Variants in TBC1D32 observed in about 807,000 individuals in gnomAD.
The protein encoded by TBC1D32 is TBC1 domain family member 32, also known as protein broad-minded.
In TBC1D32, 151 loss-of-function variants were observed where a neutral mutation model predicts 170.3. The ratio of observed to expected loss-of-function variants is 0.89; its 90% confidence interval spans 0.78 to 1.01. TBC1D32 has a LOEUF of 1.01. TBC1D32 is among the 50% of genes least tolerant of loss of function. TBC1D32 has a pLI of 0.00. For missense variants in TBC1D32, 1,464 were observed against 1,457.1 expected (o/e 1.00, Z -0.08); for synonymous variants, 498 against 488.0 (o/e 1.02, Z -0.27).
intron 31 of TBC1D32, among the ~76,000 whole-genome samples, chr6:121,088,963 A>T (rs1055347446): frequency 6.6e-6 from 1 of 152,212 alleles, no homozygotes; most frequent in Non-Finnish European, 1.5e-5. Flanking sequence ...TGCAAACTCT[A>T]TTATAATTTT....
At chr6:121,139,513 A>C (rs1202282523) in intron 24 of TBC1D32, among the ~76,000 whole-genome samples, 1 of 152,214 alleles carries the variant, frequency 6.6e-6, no homozygotes, top group Non-Finnish European at 1.5e-5. Context: ...AGAAAGTATC[A>C]GCAAGAATCA....
In TBC1D32 at chr6:121,292,092, C is replaced by T; in HGVS notation, c.1333G>A (p.Gly445Ser). ...LLGRLLIYKQ[G>S]RKLFPIKLKN... is the part of the protein sequence containing the mutation. ...AGCTTAATAGGAAATAGTTTTCTGC[C>T]TTGTTTATAGATCAATAATCTTCCT... Residue 445 changes from glycine (G) to serine (S), a missense_variant, in exon 12 of 32, where the codon GGC becomes AGC. Physicochemically the swap from Gly to Ser is moderately conservative, Grantham distance 56 (BLOSUM62 0). This residue lies in a region of TBC1D32 where 1,363 missense variants were observed against 1,338.1 expected (regional missense o/e 1.02). Transcript: ENST00000398212. 6.3e-7 allele frequency: 1 copy of T among 1,593,904 alleles called. No individual in the cohort carries two copies. Among genetic ancestry groups the T allele is most frequent in the Non-Finnish European group, 8.5e-7 (1 of 1,170,130 alleles).
chr6:121,121,208 T>C (rs934371620), intron 26 of TBC1D32, among the ~76,000 whole-genome samples: 2 of 151,940 alleles, frequency 1.3e-5, no homozygotes, highest in Admixed American at 1.3e-4. Context: ...ATAAGAGAGG[T>C]TACATTCTAG....
intron 30 of TBC1D32, among the ~76,000 whole-genome samples, chr6:121,095,217 T>C (rs1429902366): frequency 6.6e-6 from 1 of 152,162 alleles, no homozygotes; most frequent in Non-Finnish European, 1.5e-5. Flanking sequence ...ACAATATGCA[T>C]TGAAATCTAC....
chr6:121,179,874 T>C (rs1338940271), intron 22 of TBC1D32, among the ~76,000 whole-genome samples: 2 of 152,094 alleles, frequency 1.3e-5, no homozygotes, highest in African/African-American at 4.8e-5. Context: ...TGTCTCCATA[T>C]ATAAAAGAAA....
At chr6:121,214,300 C>T (rs1212987490) in intron 21 of TBC1D32, among the ~76,000 whole-genome samples, 5 of 152,198 alleles carry the variant, frequency 3.3e-5, no homozygotes, top group Admixed American at 6.5e-5. Context: ...GCACCTTTGC[C>T]TGAATTTTGC....
chr6:121,309,004 T>C (rs1271240772), intron 4 of TBC1D32, among the ~76,000 whole-genome samples: 8 of 152,074 alleles, frequency 5.3e-5, no homozygotes, highest in African/African-American at 1.9e-4. Context: ...ATTAAAAAGG[T>C]GAGGCCTAAG....
At chr6:121,237,362 A>G (rs189140226) in intron 20 of TBC1D32, among the ~76,000 whole-genome samples, 2 of 152,020 alleles carry the variant, frequency 1.3e-5, no homozygotes, top group East Asian at 3.9e-4. Context: ...GCCTTAGTGT[A>G]GTTTCCTTTA....
intron 22 of TBC1D32, among the ~76,000 whole-genome samples, chr6:121,200,508 A>G (rs1208071958): frequency 6.6e-6 from 1 of 151,696 alleles, no homozygotes; most frequent in Admixed American, 6.6e-5. Flanking sequence ...AGCCTTGGGC[A>G]GTATCAAAAG....
At chr6:121,308,531 T>C (rs1807675976) in intron 4 of TBC1D32, among the ~76,000 whole-genome samples, 1 of 151,894 alleles carries the variant, frequency 6.6e-6, no homozygotes, top group Admixed American at 6.6e-5. Flanking sequence ...CATTCTAGGA[T>C]ATATGAACAA....
chr6:121,332,439 T>C (rs1382064585), intron 1 of TBC1D32, among the ~76,000 whole-genome samples: 1 of 152,020 alleles, frequency 6.6e-6, no homozygotes, highest in Non-Finnish European at 1.5e-5. Context: ...AGTGGGAAGA[T>C]ACAAATAAAA....
At chr6:121,131,155 T>C (rs1393290544) in intron 25 of TBC1D32, among the ~76,000 whole-genome samples, 2 of 151,952 alleles carry the variant, frequency 1.3e-5, no homozygotes, top group African/African-American at 4.8e-5. Context: ...AGAAAACAAA[T>C]GCGCAAGTAG....
intron 22 of TBC1D32, among the ~76,000 whole-genome samples, chr6:121,193,139 A>G (rs1046111999): frequency 3.3e-5 from 5 of 152,224 alleles, no homozygotes; most frequent in Admixed American, 6.5e-5. Flanking sequence ...GGTGGGAGGA[A>G]CATAGAATTG....
rs575495148 is a variant in TBC1D32 at position 121,242,021 on chromosome 6, GAC to G, written c.2157+178_2157+179del. On this transcript the variant is annotated intron_variant, in intron 18 of 31. Coordinates refer to ENST00000398212, the MANE Select transcript of TBC1D32 (RefSeq NM_152730.6). ...TTGCAATTCTGTAAATACAGCCACA[GAC>G]ACTAATATCAACTCTCTAATGTTTT... Among the ~76,000 whole-genome samples the G allele has an allele frequency of 1.6e-3, 244 of 152,162 alleles. 1 individual carries two copies. The highest frequency in any genetic ancestry group is 3.4e-3 in the Middle Eastern group (1 of 294).
intron 17 of TBC1D32, among the ~76,000 whole-genome samples, chr6:121,249,735 A>C (rs959444729): frequency 3.3e-5 from 5 of 152,002 alleles, no homozygotes; most frequent in Admixed American, 6.6e-5. Flanking sequence ...AAACAAAAAC[A>C]AAAACCAAAA....
intron 22 of TBC1D32, among the ~76,000 whole-genome samples, chr6:121,162,772 C>T (rs561615059): frequency 3.0e-4 from 43 of 141,300 alleles, no homozygotes; most frequent in Non-Finnish European, 5.6e-4. Context: ...GCGTGAGCGA[C>T]GCAGAAAACA....
At chr6:121,240,060 C>T (rs1187068198) in intron 19 of TBC1D32, among the ~76,000 whole-genome samples, 1 of 152,012 alleles carries the variant, frequency 6.6e-6, no homozygotes, top group Non-Finnish European at 1.5e-5. Flanking sequence ...TGCCATAATC[C>T]AAGGTTGCCA....
chr6:121,103,181 C>T (rs1778317203), intron 30 of TBC1D32, among the ~76,000 whole-genome samples: 1 of 152,080 alleles, frequency 6.6e-6, no homozygotes, highest in Non-Finnish European at 1.5e-5. Context: ...TGTGGCAATT[C>T]CTCAACGATC....
chr6:121,224,168 T>G (rs748738532), intron 20 of TBC1D32, among the ~76,000 whole-genome samples: 1 of 152,182 alleles, frequency 6.6e-6, no homozygotes, highest in Non-Finnish European at 1.5e-5. Flanking sequence ...TTCAACTGAC[T>G]GCCACCTATA....
Sources: allele counts gnomAD v4.1 joint callset (sites outside exome capture counted in the v4.1 genomes callset), GRCh38; gene constraint gnomAD v4.1.1; regional missense constraint gnomAD v4.1.1; transcripts MANE v1.5; gene names NCBI Gene and HGNC (gene_info 2026-07-23, HGNC 2026-07-21).